Variants in LRRC3B observed in about 807,000 individuals in gnomAD.
The protein encoded by LRRC3B is leucine rich repeat containing 3B, also known as leucine-rich repeat-containing protein 3B.
In LRRC3B, 2 loss-of-function variants were observed where a neutral mutation model predicts 12.8. The ratio of observed to expected loss-of-function variants is 0.16; its 90% CI spans 0.06 to 0.49. LRRC3B has a LOEUF of 0.49. Among genes scored for constraint, LRRC3B ranks in the 20% least tolerant of loss-of-function variants. The pLI is 0.96. For synonymous variants in LRRC3B, 132 were observed against 122.0 expected, an observed-to-expected ratio of 1.08 and a Z score of -0.54; for missense variants, 189 against 319.4, an observed-to-expected ratio of 0.59 and a Z score of 3.11.
intron 1 of LRRC3B, among the ~76,000 whole-genome samples, chr3:26,633,359 T>A (rs79761882): frequency 0.032 from 4,867 of 152,264 alleles, 150 homozygotes; most frequent in East Asian, 0.13. Flanking sequence ...TAATAGGTAG[T>A]TGTGAGGCTT....
chr3:26,706,116 TTCTC>T (rs1228897270), intron 1 of LRRC3B, among the ~76,000 whole-genome samples: 2 of 152,186 alleles, frequency 1.3e-5, no homozygotes, highest in Admixed American at 6.5e-5. Context: ...GATGGCTCTC[TTCTC>T]TCTGTTTCTT....
At chr3:26,671,367 T>TAGAGAGAGAGAGAGAG (rs1480789861) in intron 1 of LRRC3B, among the ~76,000 whole-genome samples, 20 of 40,304 alleles carry the variant, frequency 5.0e-4, no homozygotes, top group Admixed American at 1.6e-3. Context: ...TATATATATA[T>TAGAGAGAGAGAGAGAG]ATATATAGAG....
At chr3:26,630,069 T>A (rs1575109557) in intron 1 of LRRC3B, among the ~76,000 whole-genome samples, 1 of 137,880 alleles carries the variant, frequency 7.3e-6, no homozygotes. Flanking sequence ...AACCAAAGGA[T>A]AAGGGGAAAA....
Position 26,687,179 on chromosome 3 carries a change from A to G in LRRC3B, c.-160-22334A>G, listed in dbSNP as rs556040324. Among the ~76,000 whole-genome samples the G allele has an allele frequency of 2.0e-5, 3 of 152,158 alleles. No homozygotes were observed. In the South Asian group the frequency reaches 6.2e-4, roughly 32 times the overall value. On this transcript the variant is annotated intron_variant, in intron 1 of 1. Coordinates refer to ENST00000396641, the Ensembl canonical transcript of LRRC3B. ...ACAATTCCATTGGTTCCAGGGTTCT[A>G]TTCTCTCCCTGCCATTCTACATGTG...
chr3:26,678,201 G>A (rs1226148057), intron 1 of LRRC3B, among the ~76,000 whole-genome samples: 2 of 152,004 alleles, frequency 1.3e-5, no homozygotes, highest in African/African-American at 4.8e-5. Flanking sequence ...TATGGGAGAA[G>A]TAGTGGAATT....
chr3:26,637,748 A>G (rs1698934697), intron 1 of LRRC3B, among the ~76,000 whole-genome samples: 1 of 151,912 alleles, frequency 6.6e-6, no homozygotes, highest in African/African-American at 2.4e-5. Flanking sequence ...AAAAGTACAT[A>G]GGATTACCAA....
intron 1 of LRRC3B, among the ~76,000 whole-genome samples, chr3:26,684,037 C>T (rs1700024195): frequency 1.3e-5 from 2 of 152,158 alleles, no homozygotes; most frequent in African/African-American, 4.8e-5. Context: ...GGACTTGTCC[C>T]GTTTCTCCTG....
At chr3:26,699,331 A>C (rs928813934) in intron 1 of LRRC3B, among the ~76,000 whole-genome samples, 1 of 152,288 alleles carries the variant, frequency 6.6e-6, no homozygotes, top group African/African-American at 2.4e-5. Context: ...AGCACATTTC[A>C]CACATATTTT....
rs573843646 is a variant in LRRC3B, at chr3:26,687,078, A to G, written c.-160-22435A>G. The stretch of plus-strand genomic sequence containing the variant: ...AGGGTCATCTAGGTGGTGCCTCACA[A>G]TGTCCACCACTGAGAACAGGACAGG... On this transcript the variant is annotated intron_variant, in intron 1 of 1. Transcript: ENST00000396641. Among the ~76,000 whole-genome samples the G allele has an allele frequency of 2.0e-5, 3 of 152,212 alleles. No homozygotes were observed. The South Asian group carries it at 6.2e-4, about 32-fold the overall frequency.
At chr3:26,678,892 T>C (rs1699915924) in intron 1 of LRRC3B, among the ~76,000 whole-genome samples, 1 of 151,388 alleles carries the variant, frequency 6.6e-6, no homozygotes, top group African/African-American at 2.4e-5. Flanking sequence ...CTTTCTCATT[T>C]AAAAAAAAAG....
chr3:26,625,190 C>T (rs1698597479), intron 1 of LRRC3B: 2 of 152,484 alleles, frequency 1.3e-5, no homozygotes, highest in African/African-American at 2.4e-5. Flanking sequence ...ACAGAGGACT[C>T]CTGCTGCCTT....
At chr3:26,635,407 AT>A (rs1320030720) in intron 1 of LRRC3B, among the ~76,000 whole-genome samples, 3 of 152,200 alleles carry the variant, frequency 2.0e-5, no homozygotes, top group African/African-American at 7.2e-5. Flanking sequence ...TTGGGAAGTA[AT>A]TAGATCTAGA....
intron 1 of LRRC3B, among the ~76,000 whole-genome samples, chr3:26,682,859 C>T (rs941377654): frequency 2.0e-5 from 3 of 152,180 alleles, no homozygotes; most frequent in African/African-American, 7.2e-5. Context: ...AATTAGCTCT[C>T]TATTTCCTGT....
intron 1 of LRRC3B, among the ~76,000 whole-genome samples, chr3:26,666,942 A>G (rs2125427511): frequency 6.6e-6 from 1 of 152,260 alleles, no homozygotes; most frequent in South Asian, 2.1e-4. Flanking sequence ...CTTTCATCAA[A>G]TGTAGGGATT....
intron 1 of LRRC3B, among the ~76,000 whole-genome samples, chr3:26,672,959 A>G (rs977226624): frequency 1.3e-5 from 2 of 152,188 alleles, no homozygotes; most frequent in African/African-American, 4.8e-5. Flanking sequence ...ATGTGAAATG[A>G]GGGTTCTGGT....
chr3:26,640,732 A>C (rs1455018219), intron 1 of LRRC3B, among the ~76,000 whole-genome samples: 1 of 152,182 alleles, frequency 6.6e-6, no homozygotes, highest in East Asian at 1.9e-4. Flanking sequence ...AAAGCACTGT[A>C]AGTGGAGTTC....
At chr3:26,681,810 G>A (rs1471821108) in intron 1 of LRRC3B, among the ~76,000 whole-genome samples, 3 of 152,078 alleles carry the variant, frequency 2.0e-5, no homozygotes, top group Non-Finnish European at 2.9e-5. Context: ...AAAGCCTCTT[G>A]AATTGAATAT....
intron 1 of LRRC3B, among the ~76,000 whole-genome samples, chr3:26,684,913 C>A (rs899670991): frequency 2.6e-5 from 4 of 152,028 alleles, no homozygotes; most frequent in African/African-American, 9.7e-5. Context: ...CAATGGAGTG[C>A]TTGCAGTCAC....
intron 1 of LRRC3B, among the ~76,000 whole-genome samples, chr3:26,628,259 C>A (rs543437051): frequency 1.3e-5 from 2 of 151,732 alleles, no homozygotes; most frequent in African/African-American, 4.8e-5. Context: ...ATTCAGAACA[C>A]AATGAATAGA....
Sources: gnomAD v4.1 joint callset for allele counts (sites outside exome capture counted in the v4.1 genomes callset) on GRCh38, gnomAD v4.1.1 for gene constraint, MANE v1.5 for transcripts, NCBI Gene and HGNC (gene_info 2026-07-23, HGNC 2026-07-21) for gene names.